GRM7: variants seen among roughly 807,000 people sequenced by gnomAD.
GRM7 encodes metabotropic glutamate receptor 7.
In GRM7, 35 loss-of-function variants were observed where a neutral mutation model predicts 84.5. The observed-to-expected ratio is 0.41, with a 90% CI of 0.32 to 0.55. GRM7 has a LOEUF of 0.55. GRM7 is among the 20% of genes least tolerant of loss of function. The pLI is 0.19. For synonymous variants in GRM7, 487 were observed against 455.1 expected (o/e 1.07, Z -0.89); for missense variants, 1,003 against 1,194.6 (o/e 0.84, Z 2.36).
At chr3:7,125,296 G>C (rs929217852) in intron 1 of GRM7, among the ~76,000 whole-genome samples, 3 of 152,164 alleles carry the variant, frequency 2.0e-5, no homozygotes, top group Admixed American at 6.6e-5. Context: ...ATAGACTGAG[G>C]CAGGAGGATC....
chr3:7,103,545 G>A (rs1022025237), intron 1 of GRM7, among the ~76,000 whole-genome samples: 1 of 151,780 alleles, frequency 6.6e-6, no homozygotes, highest in Non-Finnish European at 1.5e-5. Context: ...GCACTTACAT[G>A]TTGCATCATT....
chr3:7,277,692 G>A (rs1461524280), intron 2 of GRM7, among the ~76,000 whole-genome samples: 1 of 151,832 alleles, frequency 6.6e-6, no homozygotes, highest in Non-Finnish European at 1.5e-5. Context: ...AGTTGTTCCT[G>A]TACATTTTGA....
chr3:7,515,293 T>C (rs1366494902), intron 7 of GRM7, among the ~76,000 whole-genome samples: 1 of 151,890 alleles, frequency 6.6e-6, no homozygotes, highest in Non-Finnish European at 1.5e-5. Context: ...TTGAGCCTGA[T>C]AGTTTTTGTG....
chr3:7,438,131 T>A (rs776200788), intron 5 of GRM7, among the ~76,000 whole-genome samples: 1 of 151,638 alleles, frequency 6.6e-6, no homozygotes, highest in African/African-American at 2.4e-5. Flanking sequence ...ATCAGGGGAG[T>A]GGCATGGCCT....
At chr3:7,384,504 A>G (rs1328029666) in intron 4 of GRM7, among the ~76,000 whole-genome samples, 1 of 152,226 alleles carries the variant, frequency 6.6e-6, no homozygotes, top group Non-Finnish European at 1.5e-5. Flanking sequence ...CCATATTTTA[A>G]AAAGGTAAAA....
chr3:7,055,536 T>C (rs980701622), intron 1 of GRM7, among the ~76,000 whole-genome samples: 1 of 150,668 alleles, frequency 6.6e-6, no homozygotes, highest in Admixed American at 6.6e-5. Flanking sequence ...TACACACACA[T>C]TTAAGACAGA....
chr3:6,865,913 C>G (rs340657), intron 1 of GRM7, among the ~76,000 whole-genome samples: 4 of 152,058 alleles, frequency 2.6e-5, no homozygotes, highest in East Asian at 3.9e-4. Flanking sequence ...GGAATAGTCT[C>G]TATAACAATC....
chr3:7,012,314 G>T (rs1297287200), intron 1 of GRM7, among the ~76,000 whole-genome samples: 1 of 152,114 alleles, frequency 6.6e-6, no homozygotes, highest in Non-Finnish European at 1.5e-5. Flanking sequence ...TTTTTAAAGG[G>T]CATTTGAAAA....
chr3:7,099,991 T>C (rs936799304), intron 1 of GRM7, among the ~76,000 whole-genome samples: 3 of 148,136 alleles, frequency 2.0e-5, no homozygotes, highest in Non-Finnish European at 3.0e-5. Context: ...CATATGTACA[T>C]ATATAATTGC....
intron 1 of GRM7, among the ~76,000 whole-genome samples, chr3:7,072,699 A>T (rs1048298946): frequency 3.3e-5 from 5 of 151,856 alleles, no homozygotes; most frequent in African/African-American, 7.3e-5. Context: ...AAAAATAATT[A>T]AAAAAAATAA....
At chr3:7,164,006 T>C (rs1694717435) in intron 2 of GRM7, among the ~76,000 whole-genome samples, 1 of 152,210 alleles carries the variant, frequency 6.6e-6, no homozygotes, top group African/African-American at 2.4e-5. Flanking sequence ...GCCCCTGTGA[T>C]AAACATGCAA....
At chr3:7,018,813 T>C (rs1195156978) in intron 1 of GRM7, among the ~76,000 whole-genome samples, 2 of 152,206 alleles carry the variant, frequency 1.3e-5, no homozygotes, top group Non-Finnish European at 2.9e-5. Flanking sequence ...GTAAGTTTTG[T>C]GGGCCAGGCG....
intron 4 of GRM7, among the ~76,000 whole-genome samples, chr3:7,374,367 C>T (rs1186403009): frequency 1.3e-5 from 2 of 151,942 alleles, no homozygotes; most frequent in Non-Finnish European, 2.9e-5. Context: ...TTTATTGAGG[C>T]CACACCTCGC....
At chr3:7,429,956 A>G (rs1429875450) in intron 5 of GRM7, among the ~76,000 whole-genome samples, 4 of 152,168 alleles carry the variant, frequency 2.6e-5, no homozygotes, top group African/African-American at 7.2e-5. Context: ...TCCTTAAAAT[A>G]TGTATTAAAT....
At chr3:7,443,169 A>G (rs11920541) in intron 5 of GRM7, among the ~76,000 whole-genome samples, 1,816 of 152,162 alleles carry the variant, frequency 0.012, 48 homozygotes, top group African/African-American at 0.041. Flanking sequence ...ATGAATCACC[A>G]TGTATCCATC....
chr3:7,240,849 AT>A (rs1267680074), intron 2 of GRM7, among the ~76,000 whole-genome samples: 1 of 152,116 alleles, frequency 6.6e-6, no homozygotes, highest in African/African-American at 2.4e-5. Flanking sequence ...ATAATATTGT[AT>A]TTTTACTGTA....
At chr3:7,261,716 A>G (rs1698428978) in intron 2 of GRM7, among the ~76,000 whole-genome samples, 2 of 152,158 alleles carry the variant, frequency 1.3e-5, no homozygotes, top group Non-Finnish European at 2.9e-5. Flanking sequence ...TGTGTCTTGC[A>G]GTTGTTGGTA....
intron 7 of GRM7, among the ~76,000 whole-genome samples, chr3:7,572,789 C>T (rs374097829): frequency 4.3e-5 from 5 of 115,026 alleles, no homozygotes; most frequent in Non-Finnish European, 3.7e-5. Flanking sequence ...GCCACTGCAC[C>T]CCAGCCTGGG....
intron 5 of GRM7, among the ~76,000 whole-genome samples, chr3:7,442,477 A>G (rs1559325126): frequency 6.7e-6 from 1 of 149,436 alleles, no homozygotes; most frequent in Non-Finnish European, 1.5e-5. Context: ...TGCTCTAACT[A>G]GAACTTGCGA....
Sources: allele counts gnomAD v4.1 joint callset (sites outside exome capture counted in the v4.1 genomes callset), GRCh38; gene constraint gnomAD v4.1.1; transcripts MANE v1.5; gene names NCBI Gene and HGNC (gene_info 2026-07-23, HGNC 2026-07-21).